Variants in CCDC91 observed in about 807,000 individuals in gnomAD.
CCDC91 encodes the protein coiled-coil domain-containing protein 91.
In CCDC91, 48 loss-of-function variants were observed where a neutral mutation model predicts 63.2. The observed-to-expected ratio is 0.76, with a 90% CI of 0.60 to 0.97. CCDC91 has a LOEUF of 0.97. CCDC91 is among the 50% of genes least tolerant of loss of function. CCDC91 has a pLI of 0.00. For missense variants in CCDC91, 500 were observed against 494.6 expected, an observed-to-expected ratio of 1.01 and a Z score of -0.10; for synonymous variants, 167 against 165.8, an observed-to-expected ratio of 1.01 and a Z score of -0.06.
chr12:28,244,789 G>A (rs1945606268), intron 1 of CCDC91, among the ~76,000 whole-genome samples: 1 of 150,798 alleles, frequency 6.6e-6, no homozygotes, highest in Non-Finnish European at 1.5e-5. Context: ...CAATACAAGA[G>A]CAAAAGACAG....
At chr12:28,329,966 T>C (rs563093115) in intron 6 of CCDC91, among the ~76,000 whole-genome samples, 107 of 152,306 alleles carry the variant, frequency 7.0e-4, no homozygotes, top group African/African-American at 2.4e-3. Context: ...TATGGCTGCA[T>C]AGTATTCCAT....
In CCDC91 at chr12:28,523,092, G is replaced by A. The variant is rs149006182; in HGVS notation, c.1216-25971G>A. Among the ~76,000 whole-genome samples, 945 of 152,132 alleles carry A rather than the reference G, an allele frequency of 6.2e-3. 14 individuals are homozygous for A. The highest frequency in any genetic ancestry group is 0.021 in the African/African-American group (879 of 41,510). On this transcript the variant is annotated intron_variant, in intron 12 of 12. Transcript: ENST00000536442. ...AGTTCTGTAGATATCTATTAGGTCCGCCTGGTGCAGAGCTGAATTCAATTC... is the reference window on the plus strand; with the variant it reads ...AGTTCTGTAGATATCTATTAGGTCCACCTGGTGCAGAGCTGAATTCAATTC...
At chr12:28,237,078 A>T (rs1476612004) in intron 1 of CCDC91, among the ~76,000 whole-genome samples, 1 of 151,992 alleles carries the variant, frequency 6.6e-6, no homozygotes, top group Non-Finnish European at 1.5e-5. Context: ...TGGAAAATAG[A>T]TCACTAAAAT....
chr12:28,377,057 G>A (rs1309711002), intron 7 of CCDC91, among the ~76,000 whole-genome samples: 1 of 150,486 alleles, frequency 6.6e-6, no homozygotes, highest in East Asian at 2.0e-4. Flanking sequence ...TAAAACTTTT[G>A]TTTTGCTACT....
intron 8 of CCDC91, among the ~76,000 whole-genome samples, chr12:28,448,849 A>C (rs1949663190): frequency 6.6e-6 from 1 of 152,030 alleles, no homozygotes. Flanking sequence ...ATATTTTCTC[A>C]TATGTATATT....
intron 1 of CCDC91, among the ~76,000 whole-genome samples, chr12:28,250,562 A>G (rs1946054476): frequency 6.6e-6 from 1 of 152,098 alleles, no homozygotes; most frequent in Non-Finnish European, 1.5e-5. Context: ...CAGTCTTAAT[A>G]TGGGTAGAGC....
intron 7 of CCDC91, among the ~76,000 whole-genome samples, chr12:28,385,799 G>A (rs1945562627): frequency 6.6e-6 from 1 of 152,166 alleles, no homozygotes; most frequent in African/African-American, 2.4e-5. Flanking sequence ...GGAGAAATCT[G>A]TGGATTTGTT....
At chr12:28,203,087 G>T (rs1383254810) in intron 1 of CCDC91, among the ~76,000 whole-genome samples, 1 of 152,170 alleles carries the variant, frequency 6.6e-6, no homozygotes, top group Non-Finnish European at 1.5e-5. Flanking sequence ...GCCCCTCCTG[G>T]TGGCTGCTAG....
intron 1 of CCDC91, among the ~76,000 whole-genome samples, chr12:28,231,598 A>C (rs1944605940): frequency 6.6e-6 from 1 of 152,182 alleles, no homozygotes; most frequent in Non-Finnish European, 1.5e-5. Context: ...TTTTTATAAA[A>C]GACTTTATAA....
intron 1 of CCDC91, among the ~76,000 whole-genome samples, chr12:28,246,404 A>G (rs1236919545): frequency 2.6e-5 from 4 of 152,160 alleles, no homozygotes; most frequent in Non-Finnish European, 5.9e-5. Flanking sequence ...TGTATAGAGC[A>G]CATTCTTGTG....
intron 12 of CCDC91, among the ~76,000 whole-genome samples, chr12:28,529,709 A>G (rs1486757809): frequency 4.6e-5 from 7 of 152,324 alleles, no homozygotes; most frequent in Middle Eastern, 3.4e-3. Flanking sequence ...AATAGAATGA[A>G]GTTAAGAAGG....
rs549667388 is a variant in CCDC91, at chr12:28,207,744, C to T, written c.-15+17103C>T. ...ATATATTTAATTTGGATCATTTTATCTTTTCCGTGATGAGTCATGGAATGC... is the reference window on the plus strand; with the variant it reads ...ATATATTTAATTTGGATCATTTTATTTTTTCCGTGATGAGTCATGGAATGC... On this transcript the variant is annotated intron_variant, in intron 1 of 12. Coordinates refer to ENST00000536442, the MANE Select transcript of CCDC91 (RefSeq NM_018318.5). 5.4e-4 allele frequency among the ~76,000 whole-genome samples: 82 copies of T among 152,206 alleles called. 1 individual carries two copies. The highest frequency in any genetic ancestry group is 3.4e-3 in the Middle Eastern group (1 of 294).
chr12:28,312,723 G>T (rs1489651165), intron 6 of CCDC91, among the ~76,000 whole-genome samples: 4 of 152,050 alleles, frequency 2.6e-5, no homozygotes, highest in East Asian at 1.9e-4. Context: ...GAGGGACCTG[G>T]TGGCAGATAA....
chr12:28,347,150 C>G (rs1942867573), intron 6 of CCDC91, among the ~76,000 whole-genome samples: 1 of 152,104 alleles, frequency 6.6e-6, no homozygotes, highest in African/African-American at 2.4e-5. Flanking sequence ...TTGGGGGTCT[C>G]CCAGGGTGAG....
At chr12:28,331,327 G>A (rs1021267322) in intron 6 of CCDC91, among the ~76,000 whole-genome samples, 3 of 152,148 alleles carry the variant, frequency 2.0e-5, no homozygotes, top group Non-Finnish European at 4.4e-5. Flanking sequence ...CTGGGTATTT[G>A]CAGCCAGCAC....
intron 1 of CCDC91, among the ~76,000 whole-genome samples, chr12:28,194,773 T>C (rs1230526387): frequency 2.0e-5 from 3 of 152,026 alleles, no homozygotes; most frequent in Admixed American, 2.0e-4. Flanking sequence ...GTGGTCTCGC[T>C]GGCCTCAGGA....
At chr12:28,270,179 AGATT>A (rs2136360220) in intron 3 of CCDC91, among the ~76,000 whole-genome samples, 1 of 152,196 alleles carries the variant, frequency 6.6e-6, no homozygotes, top group South Asian at 2.1e-4. Context: ...CTCCTCAGAT[AGATT>A]GTTTTAGTTA....
chr12:28,208,719 G>A (rs927173402), intron 1 of CCDC91, among the ~76,000 whole-genome samples: 7 of 152,098 alleles, frequency 4.6e-5, no homozygotes, highest in African/African-American at 1.7e-4. Flanking sequence ...CATTGATAGA[G>A]GGAAGACTTA....
chr12:28,496,246 A>T (rs1461510707), intron 12 of CCDC91, among the ~76,000 whole-genome samples: 1 of 151,668 alleles, frequency 6.6e-6, no homozygotes, highest in Non-Finnish European at 1.5e-5. Context: ...GCACATTCCC[A>T]TCAAGCACTA....
Sources: allele counts gnomAD v4.1 joint callset (sites outside exome capture counted in the v4.1 genomes callset), GRCh38; gene constraint gnomAD v4.1.1; transcripts MANE v1.5; gene names NCBI Gene and HGNC (gene_info 2026-07-23, HGNC 2026-07-21).